The following HCN2 variants were observed in gnomAD, a reference collection of about 807,000 sequenced individuals.
HCN2 encodes hyperpolarization activated cyclic nucleotide gated potassium and sodium channel 2.
HCN2 carries 20 observed loss-of-function variants against 52.3 expected under a neutral mutation model. The observed-to-expected ratio is 0.38, with a 90% CI of 0.27 to 0.56. The LOEUF is 0.56. Among genes scored for constraint, HCN2 ranks in the 20% least tolerant of loss-of-function variants. HCN2 has a pLI of 0.71. For synonymous variants in HCN2, 694 were observed against 537.0 expected (o/e 1.29, Z -4.04); for missense variants, 981 against 1,207.7 (o/e 0.81, Z 2.78).
At position 616,998 on chromosome 19, in the gene HCN2, G is replaced by C. The variant is rs1347371553; in HGVS notation, c.*524G>C. The C allele has an allele frequency of 5.9e-6, 3 of 504,846 alleles. No homozygotes were observed. The highest frequency in any genetic ancestry group is 1.9e-5 in the African/African-American group (1 of 51,588). 31.3% of individuals were successfully genotyped at this position (504,846 alleles called of 1,614,324 possible). On this transcript the variant is annotated 3_prime_UTR_variant, in exon 8 of 8. Coordinates refer to ENST00000251287, the MANE Select transcript of HCN2 (RefSeq NM_001194.4). ...CGCCTCCCTCCAGCACTGGCACCGA[G>C]AGGCAGGCCTGGCTGCGCAGGGCGC... is the stretch of plus-strand genomic sequence containing the variant.
In HCN2 at chr19:617,071, C is replaced by T. The variant is rs1374193841; in HGVS notation, c.*597C>T. The T allele has an allele frequency of 2.1e-5, 12 of 584,352 alleles. No homozygotes were observed. Among genetic ancestry groups the T allele is most frequent in the South Asian group, 3.8e-5 (2 of 52,024 alleles). 36.2% of individuals were successfully genotyped at this position (584,352 alleles called of 1,614,324 possible). A position where few individuals can be genotyped will look rare whatever the true frequency, so the allele number is the denominator to read the frequency against. ...CGCCGTGATGAATGTACTGACGAGC[C>T]GAGGCAGCAGTGCCCCCACCGTGGC... On this transcript the variant is annotated 3_prime_UTR_variant, in exon 8 of 8. Coordinates refer to ENST00000251287, the MANE Select transcript of HCN2 (RefSeq NM_001194.4).
At chr19:605,804 G>T (rs990405828) in intron 3 of HCN2, among the ~76,000 whole-genome samples, 2 of 150,880 alleles carry the variant, frequency 1.3e-5, no homozygotes, top group African/African-American at 4.9e-5. Context: ...CAGAGGCGGG[G>T]ACCCAGGCCG....
At chr19:599,859 TG>T (rs1983149830) in intron 1 of HCN2, among the ~76,000 whole-genome samples, 4 of 74,418 alleles carry the variant, frequency 5.4e-5, no homozygotes, top group Admixed American at 2.8e-4. Context: ...TGTGTGTGTG[TG>T]TGTGTGTGTG....
At position 590,762 on chromosome 19, in the gene HCN2, T is replaced by C. The variant is rs1982846032; in HGVS notation, c.632+185T>C. ...TGACCCCGGCGCGCGAGGCTCCGCC[T>C]CTGGGGGGGCTCCCCGGGTGACCGC... On this transcript the variant is annotated intron_variant, in intron 1 of 7. Transcript: ENST00000251287. The surrounding 1 kb of genome is among the most constrained non-coding windows in gnomAD (Gnocchi z 7.2). 1 of 344,938 alleles carries C rather than the reference T, an allele frequency of 2.9e-6. No individual in the cohort carries two copies. The highest frequency in any genetic ancestry group is 5.0e-6 in the Non-Finnish European group (1 of 199,212). The allele number at this position is 344,938 out of a possible 1,614,324, so 21.4% of individuals were successfully genotyped here. A position where few individuals can be genotyped will look rare whatever the true frequency, so the allele number is the denominator to read the frequency against.
At chr19:612,565 C>T (rs914416928) in intron 5 of HCN2, among the ~76,000 whole-genome samples, 1 of 152,068 alleles carries the variant, frequency 6.6e-6, no homozygotes, top group Admixed American at 6.6e-5. Context: ...AGGCACCCGC[C>T]ACCACACCCA....
intron 5 of HCN2, among the ~76,000 whole-genome samples, chr19:611,044 C>G (rs552165254): frequency 7.9e-5 from 12 of 152,348 alleles, no homozygotes; most frequent in African/African-American, 2.9e-4. Flanking sequence ...CCCTGTGTGT[C>G]TCTGTCTCTT....
chr19:598,459 A>G (rs1246743642), intron 1 of HCN2, among the ~76,000 whole-genome samples: 2 of 151,954 alleles, frequency 1.3e-5, no homozygotes, highest in Non-Finnish European at 2.9e-5. Flanking sequence ...GGTGCGCACC[A>G]CCACGCTGGC....
rs1261260018 is a variant in HCN2 at position 592,933 on chromosome 19, C to A, written c.632+2356C>A. On this transcript the variant is annotated intron_variant, in intron 1 of 7. Coordinates refer to ENST00000251287, the MANE Select transcript of HCN2 (RefSeq NM_001194.4). This position sits in a 1 kb window ranked among gnomAD's most constrained non-coding sequence, Gnocchi z 4.8. ...CTGGGTGTCTTGGGTCCTCGCTGGG[C>A]CCCTCTGCCTCAGTTTCCCCAATTG... Among the ~76,000 whole-genome samples the A allele has an allele frequency of 6.6e-6, 1 of 152,162 alleles. No homozygotes were observed. The highest frequency in any genetic ancestry group is 2.4e-5 in the African/African-American group (1 of 41,438).
chr19:606,855 A>G (rs79629640), intron 3 of HCN2, among the ~76,000 whole-genome samples: 28,256 of 150,558 alleles, frequency 0.19, 3,281 homozygotes, highest in East Asian at 0.39. Flanking sequence ...TGTCTCAAAA[A>G]AAATAAATAA....
rs1305589988 is a variant in HCN2, at chr19:592,393, C to T, written c.632+1816C>T. Among the ~76,000 whole-genome samples, 1 of 152,168 alleles carries T rather than the reference C, an allele frequency of 6.6e-6. No homozygotes were observed. Among genetic ancestry groups the T allele is most frequent in the Non-Finnish European group, 1.5e-5 (1 of 68,014 alleles). The stretch of plus-strand genomic sequence containing the variant: ...GGGGCAGGTGGGCAGATGGCTGATC[C>T]CGGGGCTTGGGGGGAAGGCCGGTGG... On this transcript the variant is annotated intron_variant, in intron 1 of 7. Transcript: ENST00000251287. This position sits in a 1 kb window ranked among gnomAD's most constrained non-coding sequence, Gnocchi z 4.8.
Position 616,629 on chromosome 19 carries a change from GGGCAGCCCCCTCCGCGCCCCC to G in HCN2, c.*159_*179del, listed in dbSNP as rs1362601219. On this transcript the variant is annotated 3_prime_UTR_variant, in exon 8 of 8. Coordinates refer to ENST00000251287, the MANE Select transcript of HCN2 (RefSeq NM_001194.4). ...GTTGGACGGACGGGCAGGGCCGGCG[GGGCAGCCCCCTCCGCGCCCCC>G]GGCCGTCCCCCCTCATCGCCCCGCG... 2.8e-6 allele frequency: 1 copy of G among 351,002 alleles called. No individual in the cohort carries two copies. The highest frequency in any genetic ancestry group is 6.7e-5 in the East Asian group (1 of 15,032). The allele number at this position is 351,002 out of a possible 1,614,324, so 21.7% of individuals were successfully genotyped here.
chr19:601,911 A>T (rs1568363241), intron 1 of HCN2, among the ~76,000 whole-genome samples: 1 of 151,364 alleles, frequency 6.6e-6, no homozygotes, highest in Non-Finnish European at 1.5e-5. Context: ...GGGGACTTGG[A>T]CTCTGGCCGG....
rs887908011 is a variant in HCN2 at position 616,130 on chromosome 19, C to A, written c.2326C>A (p.Pro776Thr). 4.5e-5 allele frequency: 42 copies of A among 938,552 alleles called. No homozygotes were observed. Among genetic ancestry groups the A allele is most frequent in the Non-Finnish European group, 5.2e-5 (41 of 790,426 alleles). 58.1% of individuals were successfully genotyped at this position (938,552 alleles called of 1,614,324 possible). The change falls in exon 8 of 8, where the codon CCC becomes ACC. Residue 776 changes from proline (P) to threonine (T), a missense_variant. Physicochemically the swap from Pro to Thr is conservative, Grantham distance 38. Around this residue, in one of 6 missense-constraint regions of HCN2, gnomAD observed 368 missense variants for 314.8 expected, o/e 1.17. Transcript: ENST00000251287. ...TGCCGCCGCCTCACCCGGGCCCCCGCCCCCCGCCAGCCCCCCGGGCGCGCC... is the reference window on the plus strand; with the variant it reads ...TGCCGCCGCCTCACCCGGGCCCCCGACCCCCGCCAGCCCCCCGGGCGCGCC... ...APAAASPGPP[P>T]PASPPGAPAS...
intron 1 of HCN2, among the ~76,000 whole-genome samples, chr19:596,731 C>G (rs899529764): frequency 1.3e-5 from 2 of 152,132 alleles, no homozygotes; most frequent in African/African-American, 4.8e-5. Flanking sequence ...GGCTGCCGGA[C>G]GCGGCTGCAC....
At chr19:607,335 G>T (rs369867592) in intron 3 of HCN2, among the ~76,000 whole-genome samples, 1 of 152,222 alleles carries the variant, frequency 6.6e-6, no homozygotes, top group African/African-American at 2.4e-5. Context: ...GTGCCCCAGC[G>T]TCCAGCCACA....
chr19:611,107 C>T (rs1024555669), intron 5 of HCN2, among the ~76,000 whole-genome samples: 7 of 152,206 alleles, frequency 4.6e-5, no homozygotes, highest in South Asian at 2.1e-4. Flanking sequence ...CTCGTGGCCT[C>T]GCCTTAACTG....
rs768008986 is a variant in HCN2, at chr19:608,160, C to T, written c.1415C>T (p.Ser472Leu). 1 of 1,612,950 alleles carries T rather than the reference C, an allele frequency of 6.2e-7. No homozygotes were observed. Among genetic ancestry groups the T allele is most frequent in the Non-Finnish European group, 8.5e-7 (1 of 1,179,970 alleles). ...ATALIQSLDS[S>L]RRQYQEKYKQ... is the part of the protein sequence containing the mutation. ...GCCCTCATCCAGTCGCTGGACTCCTCGCGGCGCCAGTACCAGGAGAAGGTC... is the reference window on the plus strand; with the variant it reads ...GCCCTCATCCAGTCGCTGGACTCCTTGCGGCGCCAGTACCAGGAGAAGGTC... The change falls in exon 4 of 8, where the codon TCG becomes TTG. Residue 472 changes from serine (S) to leucine (L), a missense_variant. By Grantham distance (145) the Ser-to-Leu change is moderately radical. This residue lies in a region of HCN2 where 282 missense variants were observed against 553.8 expected (regional missense o/e 0.51). Coordinates refer to ENST00000251287, the MANE Select transcript of HCN2 (RefSeq NM_001194.4).
At chr19:612,844 GTTT>G (rs371557417) in intron 5 of HCN2, among the ~76,000 whole-genome samples, 8 of 126,374 alleles carry the variant, frequency 6.3e-5, no homozygotes, top group South Asian at 2.5e-4. Flanking sequence ...ACGCCTGGCT[GTTT>G]TTTTTTTTTC....
chr19:594,169 G>C (rs1982954031), intron 1 of HCN2, among the ~76,000 whole-genome samples: 1 of 151,866 alleles, frequency 6.6e-6, no homozygotes, highest in Non-Finnish European at 1.5e-5. Context: ...GGGGCGGTCT[G>C]AGGAGGTCGC....
Sources: allele counts gnomAD v4.1 joint callset (sites outside exome capture counted in the v4.1 genomes callset), GRCh38; gene constraint gnomAD v4.1.1; regional missense constraint gnomAD v4.1.1; non-coding constraint Gnocchi (gnomAD v3.1); transcripts MANE v1.5; gene names NCBI Gene and HGNC (gene_info 2026-07-23, HGNC 2026-07-21).